Variants in LRRTM4 observed in about 807,000 individuals in gnomAD.
The protein encoded by LRRTM4 is leucine rich repeat transmembrane neuronal 4.
In LRRTM4, 25 loss-of-function variants were observed where a neutral mutation model predicts 47.6. The observed-to-expected ratio is 0.53, with a 90% CI of 0.38 to 0.73. The LOEUF (loss-of-function observed/expected upper bound fraction) is 0.73, where lower values mean the gene tolerates loss of function less well. LRRTM4 is among the 30% of genes least tolerant of loss of function. The pLI, the probability that LRRTM4 is intolerant of heterozygous loss-of-function variation, is 0.00. For synonymous variants in LRRTM4, 311 were observed against 269.5 expected, an observed-to-expected ratio of 1.15 and a Z score of -1.51; for missense variants, 638 against 713.4, an observed-to-expected ratio of 0.89 and a Z score of 1.20.
At chr2:77,216,049 T>C (rs954281534) in intron 3 of LRRTM4, among the ~76,000 whole-genome samples, 1 of 151,852 alleles carries the variant, frequency 6.6e-6, no homozygotes, top group Non-Finnish European at 1.5e-5. Flanking sequence ...GGGTGCCTTC[T>C]ATTTTTTGTA....
At chr2:77,178,747 T>C (rs1433070826) in intron 3 of LRRTM4, among the ~76,000 whole-genome samples, 1 of 152,218 alleles carries the variant, frequency 6.6e-6, no homozygotes, top group African/African-American at 2.4e-5. Context: ...TGCAAACACA[T>C]TTTGGCATTG....
chr2:77,352,829 AT>A (rs1262778517), intron 3 of LRRTM4, among the ~76,000 whole-genome samples: 1 of 152,150 alleles, frequency 6.6e-6, no homozygotes, highest in Non-Finnish European at 1.5e-5. Context: ...GAAACAAAAA[AT>A]AACATAAAAA....
rs1180248774 is a variant in LRRTM4, at chr2:77,292,358, A to T, written c.1551+225960T>A. The stretch of plus-strand genomic sequence containing the variant: ...CATCCCATTACTGGGTATATACCCA[A>T]AGGACTATAAATCATGCTGCTATAA... On this transcript the variant is annotated intron_variant, in intron 3 of 3. Coordinates refer to ENST00000409884, the MANE Select transcript of LRRTM4 (RefSeq NM_001134745.3). Among the ~76,000 whole-genome samples, 819 of 151,572 alleles carry T rather than the reference A, an allele frequency of 5.4e-3. 6 individuals are homozygous for T. The highest frequency in any genetic ancestry group is 0.018 in the African/African-American group (744 of 41,170).
At chr2:77,406,308 C>T (rs1182573795) in intron 3 of LRRTM4, among the ~76,000 whole-genome samples, 2 of 152,060 alleles carry the variant, frequency 1.3e-5, no homozygotes, top group African/African-American at 2.4e-5. Context: ...AACAGGGACT[C>T]TTACATGCAT....
At chr2:77,000,202 T>C (rs1475496500) in intron 3 of LRRTM4, among the ~76,000 whole-genome samples, 1 of 152,052 alleles carries the variant, frequency 6.6e-6, no homozygotes, top group Non-Finnish European at 1.5e-5. Flanking sequence ...TGAATGAGCC[T>C]GTGGGGACAG....
intron 3 of LRRTM4, among the ~76,000 whole-genome samples, chr2:76,936,991 C>T (rs1364020291): frequency 1.1e-5 from 1 of 89,910 alleles, no homozygotes; most frequent in African/African-American, 4.3e-5. Context: ...AAAAAGAGCA[C>T]ATAAGTATAT....
intron 3 of LRRTM4, among the ~76,000 whole-genome samples, chr2:77,061,655 A>G (rs2103801114): frequency 6.6e-6 from 1 of 152,276 alleles, no homozygotes; most frequent in African/African-American, 2.4e-5. Flanking sequence ...TCATGTTCAT[A>G]TATACATATA....
At chr2:77,462,444 A>G (rs899578083) in intron 3 of LRRTM4, among the ~76,000 whole-genome samples, 2 of 152,054 alleles carry the variant, frequency 1.3e-5, no homozygotes, top group Non-Finnish European at 2.9e-5. Flanking sequence ...ATAACAACAA[A>G]GATTACTTGG....
chr2:77,411,451 CTTTTTTT>C (rs138496739), intron 3 of LRRTM4, among the ~76,000 whole-genome samples: 7 of 116,026 alleles, frequency 6.0e-5, no homozygotes, highest in Admixed American at 9.5e-5. Context: ...TCTCTTTCTT[CTTTTTTT>C]TTTTTTTTTT....
Position 76,822,097 on chromosome 2 carries a change from T to C in LRRTM4, c.1552-73181A>G, listed in dbSNP as rs1019693129. 2.6e-5 allele frequency among the ~76,000 whole-genome samples: 4 copies of C among 151,568 alleles called. No individual in the cohort carries two copies. The East Asian group carries it at 7.8e-4, about 29-fold the overall frequency. ...AAAATTTTATAGAAAAAATATGATA[T>C]TCCAGAGTCGAACAGAGATCCTATC... On this transcript the variant is annotated intron_variant, in intron 3 of 3. Transcript: ENST00000409884.
intron 3 of LRRTM4, among the ~76,000 whole-genome samples, chr2:76,839,290 A>G (rs1160542346): frequency 6.6e-6 from 1 of 152,124 alleles, no homozygotes; most frequent in Non-Finnish European, 1.5e-5. Flanking sequence ...GAAAGCACCA[A>G]CACAAGATTG....
At chr2:76,901,316 C>G (rs1379188488) in intron 3 of LRRTM4, among the ~76,000 whole-genome samples, 2 of 152,086 alleles carry the variant, frequency 1.3e-5, no homozygotes. Flanking sequence ...GTTTTCTGTT[C>G]CTGCATTAGT....
At chr2:77,402,161 T>TA (rs1384354808) in intron 3 of LRRTM4, among the ~76,000 whole-genome samples, 1 of 152,016 alleles carries the variant, frequency 6.6e-6, no homozygotes, top group Non-Finnish European at 1.5e-5. Flanking sequence ...TCTAAAAATG[T>TA]ATGAGACAGG....
At chr2:76,934,463 T>C (rs945306793) in intron 3 of LRRTM4, among the ~76,000 whole-genome samples, 1 of 152,192 alleles carries the variant, frequency 6.6e-6, no homozygotes, top group Non-Finnish European at 1.5e-5. Context: ...AAATTCAGAT[T>C]ACTGTGCCTT....
chr2:77,389,669 A>C (rs1673422951), intron 3 of LRRTM4, among the ~76,000 whole-genome samples: 1 of 152,096 alleles, frequency 6.6e-6, no homozygotes, highest in South Asian at 2.1e-4. Flanking sequence ...ATCTACTATC[A>C]AGAAGAGCTT....
At chr2:77,359,948 T>G (rs1672119623) in intron 3 of LRRTM4, among the ~76,000 whole-genome samples, 1 of 152,144 alleles carries the variant, frequency 6.6e-6, no homozygotes, top group African/African-American at 2.4e-5. Context: ...ATACCAAAAT[T>G]TTTACAAGTG....
intron 3 of LRRTM4, among the ~76,000 whole-genome samples, chr2:77,128,954 T>C (rs1671725790): frequency 6.6e-6 from 1 of 152,220 alleles, no homozygotes. Context: ...CTGACATTTT[T>C]ATATTTGAAA....
chr2:77,129,633 G>A (rs985577746), intron 3 of LRRTM4, among the ~76,000 whole-genome samples: 1 of 152,166 alleles, frequency 6.6e-6, no homozygotes, highest in Non-Finnish European at 1.5e-5. Flanking sequence ...CTTTACAAAT[G>A]AGAATGATGT....
At chr2:77,334,982 T>C (rs910584397) in intron 3 of LRRTM4, among the ~76,000 whole-genome samples, 1 of 152,216 alleles carries the variant, frequency 6.6e-6, no homozygotes, top group Non-Finnish European at 1.5e-5. Flanking sequence ...TCTATTTGAA[T>C]ACTCTCACTC....
Sources: gnomAD v4.1 joint callset for allele counts (sites outside exome capture counted in the v4.1 genomes callset) on GRCh38, gnomAD v4.1.1 for gene constraint, MANE v1.5 for transcripts, NCBI Gene and HGNC (gene_info 2026-07-23, HGNC 2026-07-21) for gene names.